DENND1A: variants seen among roughly 807,000 people sequenced by gnomAD.
DENND1A encodes the protein DENN domain-containing protein 1A.
DENND1A carries 51 observed loss-of-function variants against 113.7 expected under a neutral mutation model. The ratio of observed to expected loss-of-function variants is 0.45; its 90% CI spans 0.36 to 0.57. DENND1A has a LOEUF of 0.57. DENND1A is among the 20% of genes least tolerant of loss of function. DENND1A has a pLI of 0.00. For synonymous variants in DENND1A, 565 were observed against 570.8 expected (o/e 0.99, Z 0.14); for missense variants, 1,258 against 1,395.9 (o/e 0.90, Z 1.57).
At chr9:123,564,194 G>C (rs1176941637) in intron 12 of DENND1A, among the ~76,000 whole-genome samples, 1 of 152,172 alleles carries the variant, frequency 6.6e-6, no homozygotes, top group African/African-American at 2.4e-5. Flanking sequence ...TTTCTCCCCA[G>C]GAGAATGAAA....
intron 13 of DENND1A, among the ~76,000 whole-genome samples, chr9:123,550,598 G>T (rs1251691315): frequency 6.6e-6 from 1 of 152,218 alleles, no homozygotes; most frequent in East Asian, 1.9e-4. Context: ...CAGAAAAGGG[G>T]ATGAATTGAA....
chr9:123,916,459 G>C (rs1855161383), intron 1 of DENND1A, among the ~76,000 whole-genome samples: 1 of 146,714 alleles, frequency 6.8e-6, no homozygotes, highest in African/African-American at 2.6e-5. Context: ...CGCAACCTCT[G>C]CCTCTCAGGT....
intron 6 of DENND1A, 21 bp from the exon 7 acceptor site, chr9:123,671,392 A>G (rs750523589): frequency 1.4e-5 from 22 of 1,612,854 alleles, no homozygotes; most frequent in Non-Finnish European, 1.8e-5. Context: ...TAAAAGGCCT[A>G]AGTAACAAAA....
chr9:123,428,580 G>C (rs189412637), intron 19 of DENND1A, among the ~76,000 whole-genome samples: 6 of 152,224 alleles, frequency 3.9e-5, no homozygotes, highest in African/African-American at 7.2e-5. Flanking sequence ...AGAAATAAAG[G>C]GCATTCAAAT....
At chr9:123,666,004 C>A (rs2063476931) in intron 8 of DENND1A, among the ~76,000 whole-genome samples, 1 of 152,122 alleles carries the variant, frequency 6.6e-6, no homozygotes, top group Non-Finnish European at 1.5e-5. Flanking sequence ...ATATGGAGAG[C>A]AGTCAAATTC....
intron 1 of DENND1A, among the ~76,000 whole-genome samples, chr9:123,923,052 C>G (rs1015792314): frequency 6.6e-6 from 1 of 152,184 alleles, no homozygotes; most frequent in African/African-American, 2.4e-5. Flanking sequence ...AAGGATGTTA[C>G]GAACCCAGAG....
At chr9:123,536,711 G>T (rs1047092292) in intron 13 of DENND1A, among the ~76,000 whole-genome samples, 1 of 152,084 alleles carries the variant, frequency 6.6e-6, no homozygotes, top group South Asian at 2.1e-4. Context: ...GTCCACAATG[G>T]GGAGAAACTG....
intron 2 of DENND1A, among the ~76,000 whole-genome samples, chr9:123,832,441 C>T (rs973482394): frequency 2.0e-5 from 3 of 152,140 alleles, no homozygotes; most frequent in African/African-American, 7.2e-5. Flanking sequence ...AAATCAGTTC[C>T]ACCACATTGG....
At chr9:123,814,556 T>A (rs1490303907) in intron 2 of DENND1A, among the ~76,000 whole-genome samples, 2 of 152,172 alleles carry the variant, frequency 1.3e-5, no homozygotes, top group African/African-American at 4.8e-5. Flanking sequence ...AGACACAGTA[T>A]GAGGTTTTCC....
chr9:123,411,666 C>T (rs2044317795), intron 20 of DENND1A, 110 bp downstream of exon 20: 16 of 729,622 alleles, frequency 2.2e-5, no homozygotes, highest in Non-Finnish European at 2.7e-5. Flanking sequence ...ACCCAATTCC[C>T]AGTTTTCTTT....
intron 13 of DENND1A, among the ~76,000 whole-genome samples, chr9:123,527,248 G>A (rs77292940): frequency 0.013 from 1,939 of 152,224 alleles, 17 homozygotes; most frequent in Non-Finnish European, 0.022. Context: ...CCTCCTTGGC[G>A]GCTTCTTTCT....
chr9:123,801,904 CA>C (rs1375708061), intron 2 of DENND1A, among the ~76,000 whole-genome samples: 2 of 152,308 alleles, frequency 1.3e-5, no homozygotes, highest in South Asian at 2.1e-4. Context: ...CCAAATCTTT[CA>C]AAAGATGCAC....
intron 10 of DENND1A, among the ~76,000 whole-genome samples, chr9:123,624,345 C>T (rs1419619754): frequency 6.6e-6 from 1 of 152,194 alleles, no homozygotes; most frequent in Non-Finnish European, 1.5e-5. Context: ...AAGTTATTAG[C>T]ATTGACTCAA....
intron 13 of DENND1A, among the ~76,000 whole-genome samples, chr9:123,509,422 G>T (rs2053252549): frequency 6.6e-6 from 1 of 152,196 alleles, no homozygotes. Context: ...AGAGCGAGGA[G>T]AAATACTGGG....
chr9:123,831,737 C>A (rs1840249029), intron 2 of DENND1A, among the ~76,000 whole-genome samples: 1 of 152,192 alleles, frequency 6.6e-6, no homozygotes. Flanking sequence ...AATCTCAGCA[C>A]TCTGGGAGGC....
At chr9:123,743,925 G>C (rs1001695169) in intron 5 of DENND1A, among the ~76,000 whole-genome samples, 1 of 152,036 alleles carries the variant, frequency 6.6e-6, no homozygotes, top group Non-Finnish European at 1.5e-5. Context: ...TCTGATTTCA[G>C]AGCGTAAGTC....
At chr9:123,513,929 C>A (rs1404286414) in intron 13 of DENND1A, among the ~76,000 whole-genome samples, 2 of 152,116 alleles carry the variant, frequency 1.3e-5, no homozygotes, top group Non-Finnish European at 2.9e-5. Flanking sequence ...CAACATGGAT[C>A]CCCAAAGGCT....
intron 19 of DENND1A, among the ~76,000 whole-genome samples, chr9:123,415,088 C>G (rs551882916): frequency 6.6e-6 from 1 of 152,250 alleles, no homozygotes; most frequent in East Asian, 1.9e-4. Context: ...CTTGACCACA[C>G]CCATTCTAAA....
At chr9:123,607,518 CACAG>C (rs1489853760) in intron 11 of DENND1A, among the ~76,000 whole-genome samples, 104 of 77,714 alleles carry the variant, frequency 1.3e-3, no homozygotes, top group African/African-American at 5.1e-3. Flanking sequence ...CACACACACA[CACAG>C]AGAGAGAGAG....
Sources: allele counts gnomAD v4.1 joint callset (sites outside exome capture counted in the v4.1 genomes callset), GRCh38; gene constraint gnomAD v4.1.1; transcripts MANE v1.5; gene names NCBI Gene and HGNC (gene_info 2026-07-23, HGNC 2026-07-21).